IL1RAPL1: variants seen among roughly 807,000 people sequenced by gnomAD.
IL1RAPL1 encodes the protein interleukin 1 receptor accessory protein like 1, also known as interleukin-1 receptor accessory protein-like 1.
IL1RAPL1 carries 3 observed loss-of-function variants against 48.4 expected under a neutral mutation model. The observed-to-expected ratio is 0.06, with a 90% CI of 0.03 to 0.16. The LOEUF (loss-of-function observed/expected upper bound fraction) is 0.16, where lower values mean the gene tolerates loss of function less well. IL1RAPL1 is among the 10% of genes least tolerant of loss of function. The pLI is 1.00. For synonymous variants in IL1RAPL1, 185 were observed against 187.7 expected (o/e 0.99, Z 0.12); for missense variants, 349 against 530.6 (o/e 0.66, Z 3.36).
chrX:28,779,648 A>G (rs1170948797), intron 1 of IL1RAPL1, among the ~76,000 whole-genome samples: 83 of 75,056 alleles, frequency 1.1e-3, no homozygotes, highest in Middle Eastern at 0.013. Flanking sequence ...ATATATATAT[A>G]TATATATATA....
intron 6 of IL1RAPL1, among the ~76,000 whole-genome samples, chrX:29,881,499 C>G (rs1458477880): frequency 9.0e-6 from 1 of 110,830 alleles, no homozygotes; most frequent in African/African-American, 3.3e-5. Flanking sequence ...TCCCCGCACC[C>G]CCCTCATGAC....
In IL1RAPL1 at chrX:28,853,883, T is replaced by A. The variant is rs891717803; in HGVS notation, c.82+64458T>A. Among the ~76,000 whole-genome samples the A allele has an allele frequency of 3.6e-5, 4 of 111,646 alleles. No individual in the cohort carries two copies. The East Asian group carries it at 8.5e-4, about 24-fold the overall frequency. On this transcript the variant is annotated intron_variant, in intron 2 of 10. Coordinates refer to ENST00000378993, the MANE Select transcript of IL1RAPL1 (RefSeq NM_014271.4). ...GATGAGAGTGTTTAATTTTACTGAC[T>A]GTGGTTATGAGGAAAGTTTTAAAGA...
intron 6 of IL1RAPL1, among the ~76,000 whole-genome samples, chrX:29,800,243 TGTG>T (rs1451119478): frequency 9.0e-6 from 1 of 110,912 alleles, no homozygotes; most frequent in Admixed American, 9.6e-5. Context: ...TCAGGTGCCT[TGTG>T]GTAAAATCAC....
chrX:29,607,728 T>C (rs1923941556), intron 5 of IL1RAPL1, among the ~76,000 whole-genome samples: 1 of 112,174 alleles, frequency 8.9e-6, no homozygotes, highest in Non-Finnish European at 1.9e-5. Flanking sequence ...CTGATATTTG[T>C]TTTACTAGCC....
At chrX:29,231,332 G>A (rs1041161336) in intron 2 of IL1RAPL1, among the ~76,000 whole-genome samples, 1 of 111,638 alleles carries the variant, frequency 9.0e-6, no homozygotes, top group Non-Finnish European at 1.9e-5. Flanking sequence ...TTGCTCAGCA[G>A]TTTGCAACCG....
intron 6 of IL1RAPL1, among the ~76,000 whole-genome samples, chrX:29,772,129 C>T (rs771413888): frequency 6.4e-5 from 7 of 109,074 alleles, no homozygotes; most frequent in South Asian, 4.1e-4. Flanking sequence ...GTATTAGTGG[C>T]GCACACCTGT....
chrX:28,616,977 G>A (rs1934227833), intron 1 of IL1RAPL1, among the ~76,000 whole-genome samples: 1 of 112,279 alleles, frequency 8.9e-6, no homozygotes, highest in African/African-American at 3.2e-5. Flanking sequence ...AACTTTACAA[G>A]TTTGTTTTTC....
In IL1RAPL1 at chrX:28,649,931, C is replaced by T. The variant is rs556451962; in HGVS notation, c.-25+61884C>T. Among the ~76,000 whole-genome samples the T allele has an allele frequency of 1.3e-4, 14 of 111,850 alleles. No individual in the cohort carries two copies. In the East Asian group the frequency reaches 3.1e-3, roughly 25 times the overall value. Reference sequence around the variant, plus strand: ...TCCAATCTTAACCACAAGTTTCCCACGTGTCTCTGACATGGAGTGCCATGA... The same window carrying T: ...TCCAATCTTAACCACAAGTTTCCCATGTGTCTCTGACATGGAGTGCCATGA... On this transcript the variant is annotated intron_variant, in intron 1 of 10. Transcript: ENST00000378993.
intron 2 of IL1RAPL1, among the ~76,000 whole-genome samples, chrX:29,196,084 G>T (rs1359236798): frequency 8.9e-6 from 1 of 112,071 alleles, no homozygotes; most frequent in Admixed American, 9.5e-5. Flanking sequence ...TTAAATTTCT[G>T]CATTAGTAGA....
chrX:28,990,485 A>G (rs1244060826), intron 2 of IL1RAPL1, among the ~76,000 whole-genome samples: 2 of 112,097 alleles, frequency 1.8e-5, no homozygotes, highest in African/African-American at 6.5e-5. Flanking sequence ...GAAACAGACA[A>G]GTATTCACCG....
rs1472884269 is a variant in IL1RAPL1 at position 29,939,684 on chromosome X, A to C, written c.1058-1967A>C. Among the ~76,000 whole-genome samples, 4 of 111,591 alleles carry C rather than the reference A, an allele frequency of 3.6e-5. No homozygotes were observed. In the South Asian group the frequency reaches 1.1e-3, roughly 31 times the overall value. On this transcript the variant is annotated intron_variant, in intron 8 of 10. Transcript: ENST00000378993. ...CTTAGACTCTAAAAGAGTTGATCTC[A>C]CTTTATTTTTTCTTAGATGCATACA...
At chrX:28,877,932 ATCTC>A (rs973543572) in intron 2 of IL1RAPL1, among the ~76,000 whole-genome samples, 7 of 112,498 alleles carry the variant, frequency 6.2e-5, no homozygotes, top group Admixed American at 4.7e-4. Context: ...ATGCTTATTC[ATCTC>A]TCTGTTTGCT....
At chrX:29,775,461 C>A (rs1601818175) in intron 6 of IL1RAPL1, among the ~76,000 whole-genome samples, 1 of 111,469 alleles carries the variant, frequency 9.0e-6, no homozygotes, top group South Asian at 3.7e-4. Flanking sequence ...ATCAGGTATC[C>A]ATTCACTCAC....
chrX:28,762,778 A>ACGCG (rs200447527), intron 1 of IL1RAPL1, among the ~76,000 whole-genome samples: 1,354 of 79,803 alleles, frequency 0.017, 54 homozygotes, highest in African/African-American at 0.067. Context: ...TCTAATACGC[A>ACGCG]CGCGCGCGCA....
At chrX:29,946,610 CAGA>C (rs1485809551) in intron 9 of IL1RAPL1, among the ~76,000 whole-genome samples, 1 of 112,013 alleles carries the variant, frequency 8.9e-6, no homozygotes, top group East Asian at 2.8e-4. Context: ...ACTTATAAAT[CAGA>C]AGAAGTTCCA....
At chrX:29,584,266 C>T (rs1923080430) in intron 5 of IL1RAPL1, among the ~76,000 whole-genome samples, 1 of 111,372 alleles carries the variant, frequency 9.0e-6, no homozygotes, top group Non-Finnish European at 1.9e-5. Flanking sequence ...TCCTTTTTCT[C>T]CCATCATCAA....
chrX:28,759,323 T>C (rs934932459), intron 1 of IL1RAPL1, among the ~76,000 whole-genome samples: 1 of 111,147 alleles, frequency 9.0e-6, no homozygotes, highest in Non-Finnish European at 1.9e-5. Flanking sequence ...AGAGATTCAT[T>C]AGCACCTCAT....
At chrX:29,873,064 A>G (rs1055375442) in intron 6 of IL1RAPL1, among the ~76,000 whole-genome samples, 1 of 111,772 alleles carries the variant, frequency 8.9e-6, no homozygotes, top group Admixed American at 9.5e-5. Flanking sequence ...TGGAGGGGAA[A>G]TGAGCAGTTG....
rs757263113 is a variant in IL1RAPL1 at position 29,009,955 on chromosome X, T to C, written c.82+220530T>C. On this transcript the variant is annotated intron_variant, in intron 2 of 10. Transcript: ENST00000378993. ...TACAGCAGTGTTTTGTAGTTCTCCT[T>C]GTAAAGATATTTTACCTCCTTGGTT... Among the ~76,000 whole-genome samples, 14 of 112,123 alleles carry C rather than the reference T, an allele frequency of 1.2e-4. No individual in the cohort carries two copies. The East Asian group carries it at 2.8e-3, about 22-fold the overall frequency.
Sources: gnomAD v4.1 joint callset for allele counts (sites outside exome capture counted in the v4.1 genomes callset) on GRCh38, gnomAD v4.1.1 for gene constraint, MANE v1.5 for transcripts, NCBI Gene and HGNC (gene_info 2026-07-23, HGNC 2026-07-21) for gene names.